Variants in JMJD1C observed in about 807,000 individuals in gnomAD.
JMJD1C encodes jumonji domain-containing protein 1C.
In JMJD1C, 31 loss-of-function variants were observed where a neutral mutation model predicts 245.3. The ratio of observed to expected loss-of-function variants is 0.13; its 90% CI spans 0.09 to 0.17. JMJD1C has a LOEUF of 0.17. Among genes scored for constraint, JMJD1C ranks in the 10% least tolerant of loss-of-function variants. The pLI, the probability that JMJD1C is intolerant of heterozygous loss-of-function variation, is 1.00. For missense variants in JMJD1C, 2,691 were observed against 3,000.2 expected, an observed-to-expected ratio of 0.90 and a Z score of 2.41; for synonymous variants, 1,057 against 1,017.4, an observed-to-expected ratio of 1.04 and a Z score of -0.74.
chr10:63,451,287 C>T (rs184194330), intron 1 of JMJD1C, among the ~76,000 whole-genome samples: 38 of 152,240 alleles, frequency 2.5e-4, no homozygotes, highest in African/African-American at 7.7e-4. Flanking sequence ...ATTCTGAAAT[C>T]CACATGGAAT....
intron 1 of JMJD1C, among the ~76,000 whole-genome samples, chr10:63,485,006 T>TA (rs536714092): frequency 8.9e-5 from 13 of 146,006 alleles, no homozygotes; most frequent in Admixed American, 3.4e-4. Flanking sequence ...ATTATGGGTT[T>TA]AAAAAAAAAA....
intron 1 of JMJD1C, among the ~76,000 whole-genome samples, chr10:63,443,578 C>T (rs1354776921): frequency 1.3e-5 from 2 of 152,210 alleles, no homozygotes; most frequent in African/African-American, 4.8e-5. Context: ...TCCCAAAGTA[C>T]TGGGATTACA....
Position 63,445,332 on chromosome 10 carries a change from G to T in JMJD1C, c.168+20163C>A, listed in dbSNP as rs566593804. 9.2e-5 allele frequency among the ~76,000 whole-genome samples: 14 copies of T among 152,248 alleles called. No homozygotes were observed. The South Asian group carries it at 2.9e-3, about 32-fold the overall frequency. On this transcript the variant is annotated intron_variant, in intron 1 of 25. Coordinates refer to ENST00000399262, the MANE Select transcript of JMJD1C (RefSeq NM_032776.3). ...AGGGAAGAGGTCAATTTTAGATAAGGTAGTCTTCAAAGAAGACCAAAATGA... is the reference window on the plus strand; with the variant it reads ...AGGGAAGAGGTCAATTTTAGATAAGTTAGTCTTCAAAGAAGACCAAAATGA...
rs1846919680 is a variant in JMJD1C at position 63,208,453 on chromosome 10, G to A, written c.3216C>T (p.Arg1072=). 5 of 1,613,932 alleles carry A rather than the reference G, an allele frequency of 3.1e-6. No homozygotes were observed. In the Middle Eastern group the frequency reaches 4.9e-4, roughly 160 times the overall value. ...HIIKQDMDVE[R]SVSDLYKMKH... is the part of the protein sequence containing the mutation. ...TCATTTTATAAAGATCTGATACTGA[G>A]CGTTCTACATCCATATCTTGTTTGA... The change falls in exon 10 of 26, where the codon CGC becomes CGT. Residue 1072 remains arginine (R), a synonymous_variant. Coordinates refer to ENST00000399262, the MANE Select transcript of JMJD1C (RefSeq NM_032776.3).
At chr10:63,358,186 C>A (rs1294605448) in intron 2 of JMJD1C, among the ~76,000 whole-genome samples, 1 of 152,072 alleles carries the variant, frequency 6.6e-6, no homozygotes, top group South Asian at 2.1e-4. Context: ...TGATTCCAAA[C>A]TATCATCTAT....
At chr10:63,174,122 T>C (rs376012148) in intron 24 of JMJD1C, among the ~76,000 whole-genome samples, 20 of 152,334 alleles carry the variant, frequency 1.3e-4, no homozygotes, top group South Asian at 6.2e-4. Context: ...ATTTAGAGAA[T>C]AGTCTGGCAG....
intron 2 of JMJD1C, among the ~76,000 whole-genome samples, chr10:63,363,485 T>G (rs924602144): frequency 6.6e-6 from 1 of 151,984 alleles, no homozygotes; most frequent in East Asian, 1.9e-4. Context: ...TGAGAACTCA[T>G]GAGTTCAGGG....
chr10:63,370,421 T>A (rs931203680), intron 2 of JMJD1C, among the ~76,000 whole-genome samples: 1 of 152,220 alleles, frequency 6.6e-6, no homozygotes, highest in African/African-American at 2.4e-5. Context: ...CACTACTCTG[T>A]GTGGTAGATA....
chr10:63,203,289 A>G (rs1386784499), intron 10 of JMJD1C: 7 of 980,202 alleles, frequency 7.1e-6, no homozygotes, highest in Non-Finnish European at 7.3e-6. Flanking sequence ...AATATATAAA[A>G]CCTAGAAGTT....
chr10:63,421,800 C>G (rs1411737015), intron 1 of JMJD1C, among the ~76,000 whole-genome samples: 1 of 152,160 alleles, frequency 6.6e-6, no homozygotes, highest in African/African-American at 2.4e-5. Context: ...CTGTCATACA[C>G]AAGAGAAGGC....
chr10:63,466,359 C>T (rs1220791250), upstream of JMJD1C: 1 of 152,996 alleles, frequency 6.5e-6, no homozygotes, highest in Non-Finnish European at 1.5e-5. Context: ...CACACAGCGC[C>T]CGCCGCCTGA....
At chr10:63,428,635 G>C (rs919349186) in intron 1 of JMJD1C, among the ~76,000 whole-genome samples, 2 of 151,946 alleles carry the variant, frequency 1.3e-5, no homozygotes, top group Non-Finnish European at 2.9e-5. Flanking sequence ...ACTATTGATC[G>C]TGATTACCTC....
chr10:63,277,259 C>T (rs1236188678), intron 2 of JMJD1C, among the ~76,000 whole-genome samples: 4 of 149,722 alleles, frequency 2.7e-5, no homozygotes, highest in Admixed American at 1.3e-4. Context: ...CTCGCCTCCC[C>T]GAGTGCCAGG....
chr10:63,338,523 ATAGACC>A (rs1386444462), intron 2 of JMJD1C, among the ~76,000 whole-genome samples: 3 of 152,084 alleles, frequency 2.0e-5, no homozygotes, highest in African/African-American at 7.2e-5. Flanking sequence ...CACCGCTAAG[ATAGACC>A]TAGATATAGT....
chr10:63,271,031 G>A (rs1234030778), intron 2 of JMJD1C, among the ~76,000 whole-genome samples: 1 of 152,092 alleles, frequency 6.6e-6, no homozygotes, highest in Non-Finnish European at 1.5e-5. Flanking sequence ...CAATTTAATT[G>A]AAATGGTTTC....
At chr10:63,420,960 CT>C (rs771677140) in intron 1 of JMJD1C, among the ~76,000 whole-genome samples, 1 of 152,052 alleles carries the variant, frequency 6.6e-6, no homozygotes, top group Non-Finnish European at 1.5e-5. Context: ...AAACTGATAA[CT>C]TTCTGGTGAG....
intron 2 of JMJD1C, among the ~76,000 whole-genome samples, chr10:63,366,088 C>T (rs1945815249): frequency 6.6e-6 from 1 of 152,170 alleles, no homozygotes; most frequent in Admixed American, 6.5e-5. Context: ...TAACAGCACA[C>T]AGTATGGCTT....
Position 63,378,486 on chromosome 10 carries a change from G to A in JMJD1C, c.333+1832C>T, listed in dbSNP as rs558851135. ...AGGCGCCTGTAGTCCCAGCTACTCC[G>A]GAGGCTGAGGCAGGAGAACTGCGTG... On this transcript the variant is annotated intron_variant, in intron 2 of 25. Transcript: ENST00000399262. Among the ~76,000 whole-genome samples, 8 of 152,096 alleles carry A rather than the reference G, an allele frequency of 5.3e-5. No homozygotes were observed. The South Asian group carries it at 1.0e-3, about 20-fold the overall frequency.
At chr10:63,186,122 G>T in intron 19 of JMJD1C, 93 bp downstream of exon 19, 1 of 979,220 alleles carries the variant, frequency 1.0e-6, no homozygotes, top group Non-Finnish European at 1.5e-6. Flanking sequence ...TAAAACAGAT[G>T]TTTCAAAGAC....
Sources: gnomAD v4.1 joint callset for allele counts (sites outside exome capture counted in the v4.1 genomes callset) on GRCh38, gnomAD v4.1.1 for gene constraint, MANE v1.5 for transcripts, NCBI Gene and HGNC (gene_info 2026-07-23, HGNC 2026-07-21) for gene names.